Variants in ABCA8 observed in about 807,000 individuals in gnomAD.
ABCA8 encodes ABC-type organic anion transporter ABCA8.
Under a neutral mutation model 192.3 loss-of-function variants are expected in ABCA8, and 177 were observed. That is an observed-to-expected ratio of 0.92 (90% CI 0.81 to 1.04). ABCA8 has a LOEUF of 1.04. Among genes scored for constraint, ABCA8 ranks in the 50% least tolerant of loss-of-function variants. ABCA8 has a pLI of 0.00. For missense variants in ABCA8, 1,915 were observed against 1,904.8 expected (o/e 1.01, Z -0.10); for synonymous variants, 642 against 690.2 (o/e 0.93, Z 1.09).
chr17:68,878,487 T>C (rs907423599), intron 32 of ABCA8: 3 of 152,138 alleles, frequency 2.0e-5, no homozygotes, highest in Admixed American at 6.5e-5. Context: ...CTTCCAGCCA[T>C]AGAGCAGCAA....
chr17:68,918,468 T>C lies in ABCA8; in HGVS notation c.1867A>G (p.Arg623Gly). 6.4e-7 allele frequency: 1 copy of C among 1,566,152 alleles called. No individual in the cohort carries two copies. Among genetic ancestry groups the C allele is most frequent in the Non-Finnish European group, 8.6e-7 (1 of 1,160,546 alleles). Residue 623 changes from arginine to glycine, a missense_variant, in exon 15 of 40, where the codon AGA becomes GGA. By Grantham distance (125) the Arg-to-Gly change is moderately radical (BLOSUM62 -2). Coordinates refer to ENST00000586539, the MANE Select transcript of ABCA8 (RefSeq NM_001288985.2). Reference sequence around the variant, plus strand: ...ATGGCAATCCCAAAGGTTAGCTTTCTTTTCTGTCCACCACTTAAGTTTTGA... The same window carrying C: ...ATGGCAATCCCAAAGGTTAGCTTTCCTTTCTGTCCACCACTTAAGTTTTGA... ...LAQNLSGGQK[R>G]KLTFGIAILG...
chr17:68,916,148 G>A (rs947174806), intron 17 of ABCA8, among the ~76,000 whole-genome samples: 4 of 152,020 alleles, frequency 2.6e-5, no homozygotes, highest in Non-Finnish European at 5.9e-5. Flanking sequence ...GGTGGGGAAG[G>A]GGGGATGGTT....
intron 24 of ABCA8, among the ~76,000 whole-genome samples, chr17:68,890,864 A>G (rs2066608098): frequency 6.6e-6 from 1 of 152,198 alleles, no homozygotes. Flanking sequence ...GAAGCTTTTA[A>G]CTTTGATGAA....
In ABCA8 at chr17:68,881,144, T is replaced by A; in HGVS notation, c.4014A>T (p.Gly1338=). 2 of 1,613,560 alleles carry A rather than the reference T, an allele frequency of 1.2e-6. No homozygotes were observed. Among genetic ancestry groups the A allele is most frequent in the Non-Finnish European group, 8.5e-7 (1 of 1,179,500 alleles). The change falls in exon 32 of 40, where the codon GGA becomes GGT. Residue 1338 remains glycine, a synonymous_variant. Transcript: ENST00000586539. The stretch of plus-strand genomic sequence containing the variant: ...CTTGTCCAGCAGTTGGTTTTGTGTC[T>A]CCAGTTATCACCTTAATGGATGTGC... ...GKSTSIKVIT[G]DTKPTAGQVL...
At position 68,941,174 on chromosome 17, in the gene ABCA8, G is replaced by C. The variant is rs558223080; in HGVS notation, c.97-212C>G. Among the ~76,000 whole-genome samples the C allele has an allele frequency of 4.6e-5, 7 of 152,218 alleles. No homozygotes were observed. In the East Asian group the frequency reaches 1.3e-3, roughly 29 times the overall value. On this transcript the variant is annotated intron_variant, in intron 3 of 39. Transcript: ENST00000586539. ...TAATGATATACTGGTTACATGCCAA[G>C]ATTCTGGAATTTCAAACTCAACAGT... is the stretch of plus-strand genomic sequence containing the variant.
chr17:68,903,274 A>G, intron 20 of ABCA8, 27 bp downstream of exon 20: 2 of 1,610,280 alleles, frequency 1.2e-6, no homozygotes, highest in Non-Finnish European at 1.7e-6. Context: ...ACTTAAAAAG[A>G]AAACCTATGG....
At chr17:68,923,181 T>G (rs1200264184) in intron 11 of ABCA8, among the ~76,000 whole-genome samples, 4 of 146,692 alleles carry the variant, frequency 2.7e-5, no homozygotes. Context: ...ATAAAGCTAT[T>G]TAATTAGATA....
Position 68,877,604 on chromosome 17 carries a change from G to A in ABCA8, c.4114C>T (p.Pro1372Ser). ...GYCPQENALW[P>S]NLTVRQHLEV... ...AGGTGCTGCCTCACTGTCAGGTTGG[G>A]CCACAGCGCGTTCTCCTGAGGGCAG... The change falls in exon 33 of 40, where the codon CCC (proline) becomes TCC (serine). Residue 1372 changes from proline (P) to serine (S), a missense_variant. Transcript: ENST00000586539. 6.2e-7 allele frequency: 1 copy of A among 1,614,072 alleles called. No individual in the cohort carries two copies. The highest frequency in any genetic ancestry group is 8.5e-7 in the Non-Finnish European group (1 of 1,180,002).
chr17:68,874,670 AT>A (rs1017395371), intron 37 of ABCA8, among the ~76,000 whole-genome samples: 3 of 151,974 alleles, frequency 2.0e-5, no homozygotes, highest in Non-Finnish European at 2.9e-5. Context: ...CCTTGTTATC[AT>A]TTTTTTCACC....
chr17:68,892,019 T>A (rs528004698), intron 23 of ABCA8, among the ~76,000 whole-genome samples: 1 of 152,298 alleles, frequency 6.6e-6, no homozygotes, highest in Admixed American at 6.5e-5. Flanking sequence ...TTTAGGTACA[T>A]CATGAGACCA....
In ABCA8 at chr17:68,928,210, A is replaced by C. The variant is rs2067756734; in HGVS notation, c.1126-147T>G. 3 of 583,950 alleles carry C rather than the reference A, an allele frequency of 5.1e-6. No homozygotes were observed. In the African/African-American group the frequency reaches 5.9e-5, roughly 11 times the overall value. 36.2% of individuals were successfully genotyped at this position (583,950 alleles called of 1,614,324 possible). The stretch of plus-strand genomic sequence containing the variant: ...GGAGACTGCCTCCTTTATGGTTCTC[A>C]AATCTATGCCTTGGAAGGCATGGAC... On this transcript the variant is annotated intron_variant, in intron 9 of 39. Transcript: ENST00000586539.
intron 21 of ABCA8, among the ~76,000 whole-genome samples, chr17:68,898,220 C>A (rs972100193): frequency 6.6e-6 from 1 of 152,104 alleles, no homozygotes; most frequent in African/African-American, 2.4e-5. Flanking sequence ...TTATATTTAG[C>A]AAAACTAGCT....
At chr17:68,922,192 C>CTTTTT (rs2067553120) in intron 12 of ABCA8, 50 bp downstream of exon 12, 2 of 477,768 alleles carry the variant, frequency 4.2e-6, no homozygotes, top group African/African-American at 4.2e-5. Context: ...CTTTCTCTCT[C>CTTTTT]TCTTTTTTTT....
intron 1 of ABCA8, among the ~76,000 whole-genome samples, chr17:68,952,101 A>G (rs2068583071): frequency 6.6e-6 from 1 of 152,230 alleles, no homozygotes; most frequent in Non-Finnish European, 1.5e-5. Context: ...CTAAGAAACT[A>G]TAACTTATTT....
At chr17:68,887,925 T>TATATATATATCCATATA in intron 24 of ABCA8, among the ~76,000 whole-genome samples, 1 of 101,032 alleles carries the variant, frequency 9.9e-6, no homozygotes, top group Non-Finnish European at 1.9e-5. Context: ...TATATATATA[T>TATATATATATCCATATA]TATATATGGA....
chr17:68,868,460 T>C, intron 38 of ABCA8, 104 bp from the exon 39 acceptor site: 1 of 950,642 alleles, frequency 1.1e-6, no homozygotes, highest in Non-Finnish European at 1.6e-6. Context: ...CTTAAATAGG[T>C]TAAGGTAATA....
chr17:68,870,570 T>C (rs1200793204), intron 37 of ABCA8, among the ~76,000 whole-genome samples: 1 of 152,256 alleles, frequency 6.6e-6, no homozygotes, highest in Non-Finnish European at 1.5e-5. Context: ...TTGACTATTT[T>C]AGATATCTTA....
chr17:68,881,738 G>A (rs771778744), intron 31 of ABCA8, 125 bp downstream of exon 31: 6 of 702,816 alleles, frequency 8.5e-6, no homozygotes, highest in Non-Finnish European at 1.5e-5. Context: ...AAAGGAAGCT[G>A]TCATTGTCAT....
At chr17:68,895,083 T>G (rs1396895518) in intron 21 of ABCA8, 70 bp from the exon 22 acceptor site, 2 of 1,375,624 alleles carry the variant, frequency 1.5e-6, no homozygotes, top group African/African-American at 2.9e-5. Flanking sequence ...GTAGTCAAAT[T>G]ACAGTTAATG....
Sources: allele counts gnomAD v4.1 joint callset (sites outside exome capture counted in the v4.1 genomes callset), GRCh38; gene constraint gnomAD v4.1.1; transcripts MANE v1.5; gene names NCBI Gene and HGNC (gene_info 2026-07-23, HGNC 2026-07-21).